RFX8: variants seen among roughly 807,000 people sequenced by gnomAD.
The protein encoded by RFX8 is regulatory factor X8.
Under a neutral mutation model 54.6 loss-of-function variants are expected in RFX8, and 46 were observed. The ratio of observed to expected loss-of-function variants is 0.84; its 90% CI spans 0.67 to 1.08. RFX8 has a LOEUF of 1.08. Ranked by LOEUF, RFX8 falls within the 50% of genes least tolerant of loss-of-function variation. The pLI, the probability that RFX8 is intolerant of heterozygous loss-of-function variation, is 0.00. For synonymous variants in RFX8, 192 were observed against 209.5 expected (o/e 0.92, Z 0.72); for missense variants, 536 against 562.3 (o/e 0.95, Z 0.47).
chr2:101,423,402 T>C (rs2104588798), intron 2 of RFX8, among the ~76,000 whole-genome samples: 1 of 152,248 alleles, frequency 6.6e-6, no homozygotes, highest in South Asian at 2.1e-4. Context: ...GCATGAGGGC[T>C]CCTCCTGGTC....
chr2:101,469,018 G>GTATATATATATACGTATATATATGTT (rs1689752502), intron 1 of RFX8, among the ~76,000 whole-genome samples: 1 of 21,444 alleles, frequency 4.7e-5, no homozygotes, highest in African/African-American at 1.0e-4. Context: ...ATATATATAG[G>GTATATATATATACGTATATATATGTT]TATATATATA....
intron 2 of RFX8, among the ~76,000 whole-genome samples, chr2:101,458,791 T>C (rs1234627630): frequency 6.6e-6 from 1 of 152,238 alleles, no homozygotes. Flanking sequence ...CTGGATAATA[T>C]CCTGAAGAGT....
chr2:101,452,478 C>T (rs1688737984), intron 2 of RFX8: 1 of 1,190,554 alleles, frequency 8.4e-7, no homozygotes. Flanking sequence ...AAAGTTGCAA[C>T]TTGAAAACTT....
intron 7 of RFX8, among the ~76,000 whole-genome samples, chr2:101,413,922 A>T (rs1432531234): frequency 6.6e-6 from 1 of 152,136 alleles, no homozygotes; most frequent in Middle Eastern, 3.2e-3. Context: ...TGGAAGCCAC[A>T]GTTGGGATCC....
chr2:101,410,946 C>G (rs914644285), intron 8 of RFX8, among the ~76,000 whole-genome samples: 2 of 152,232 alleles, frequency 1.3e-5, no homozygotes, highest in African/African-American at 4.8e-5. Flanking sequence ...ACCTCTGCCA[C>G]TTGTTGAAAC....
At chr2:101,411,952 C>T (rs1686156694) in intron 8 of RFX8, among the ~76,000 whole-genome samples, 1 of 152,198 alleles carries the variant, frequency 6.6e-6, no homozygotes, top group Non-Finnish European at 1.5e-5. Context: ...TCACGAAACA[C>T]TGAAGTGCTC....
intron 2 of RFX8, among the ~76,000 whole-genome samples, chr2:101,438,671 G>A (rs1370864707): frequency 2.6e-5 from 4 of 152,236 alleles, no homozygotes. Flanking sequence ...GTATTTCAGA[G>A]TGGCTAGACC....
rs2104521509 is a variant in RFX8, at chr2:101,404,553, C to G, written c.928+1390G>C. On this transcript the variant is annotated intron_variant, in intron 10 of 11. Transcript: ENST00000428343. ...TCAAGCAATCCTCCCACCTCAGCCT[C>G]CCAAGTAGCTGGAACTACTGGGCCA... 2.0e-5 allele frequency among the ~76,000 whole-genome samples: 3 copies of G among 152,214 alleles called. 1 individual carries two copies. The Middle Eastern group carries it at 0.01, about 518-fold the overall frequency.
In RFX8 at chr2:101,428,525, G is replaced by A. The variant is rs111821393; in HGVS notation, c.73-6053C>T. On this transcript the variant is annotated intron_variant, in intron 2 of 11. Transcript: ENST00000428343. ...TCCTGTCAATGGTAATTTGCAGCTC[G>A]CACTAAGACAGTATCCAAGTACTAT... is the stretch of plus-strand genomic sequence containing the variant. Among the ~76,000 whole-genome samples the A allele has an allele frequency of 3.5e-4, 54 of 152,266 alleles. 1 individual carries two copies. Among genetic ancestry groups the A allele is most frequent in the African/African-American group, 9.9e-4 (41 of 41,548 alleles).
chr2:101,452,486 C>T (rs1266645613), intron 2 of RFX8: 8 of 1,087,776 alleles, frequency 7.4e-6, no homozygotes, highest in Admixed American at 4.0e-5. Flanking sequence ...AACTTGAAAA[C>T]TTAGAAACAA....
intron 2 of RFX8, among the ~76,000 whole-genome samples, chr2:101,463,492 A>T (rs1271813844): frequency 1.3e-5 from 2 of 151,876 alleles, no homozygotes; most frequent in Admixed American, 6.6e-5. Flanking sequence ...AATGGCTGCG[A>T]CCTCTCCATG....
chr2:101,471,696 CA>C (rs1690006678), intron 1 of RFX8, among the ~76,000 whole-genome samples: 1 of 152,218 alleles, frequency 6.6e-6, no homozygotes, highest in South Asian at 2.1e-4. Flanking sequence ...CCCGTTTCTG[CA>C]GTCTTTCCTG....
Position 101,416,030 on chromosome 2 carries a change from T to A in RFX8, c.503-1118A>T, listed in dbSNP as rs1173824056. On this transcript the variant is annotated intron_variant, in intron 6 of 11. Transcript: ENST00000428343. The stretch of plus-strand genomic sequence containing the variant: ...GAAGAGCACTGTTGGGTCATGGGAG[T>A]CCCTTGGGAGATGGAGACAGGGATG... 4.6e-5 allele frequency among the ~76,000 whole-genome samples: 7 copies of A among 151,800 alleles called. No homozygotes were observed. The South Asian group carries it at 6.3e-4, about 14-fold the overall frequency.
At chr2:101,467,237 C>T (rs1049324880) in intron 1 of RFX8, among the ~76,000 whole-genome samples, 6 of 152,172 alleles carry the variant, frequency 3.9e-5, no homozygotes, top group Non-Finnish European at 7.3e-5. Context: ...AAGGTTACAG[C>T]CAAGAGCTAC....
At chr2:101,412,042 C>T (rs560999855) in intron 8 of RFX8, among the ~76,000 whole-genome samples, 3 of 152,074 alleles carry the variant, frequency 2.0e-5, no homozygotes, top group East Asian at 1.9e-4. Context: ...AGGAACTGAG[C>T]GGGCAGCTGT....
chr2:101,433,688 A>C (rs1305214776), intron 2 of RFX8, among the ~76,000 whole-genome samples: 4 of 152,186 alleles, frequency 2.6e-5, no homozygotes, highest in Non-Finnish European at 4.4e-5. Context: ...CTCGCAAATC[A>C]CTCTAACCAG....
chr2:101,469,077 TAAGTGTATATATATAA>T (rs1322301006), intron 1 of RFX8, among the ~76,000 whole-genome samples: 962 of 12,840 alleles, frequency 0.075, 80 homozygotes, highest in African/African-American at 0.28. Context: ...TATATATATA[TAAGTGTATATATATAA>T]GTATATATAT....
chr2:101,466,795 G>C lies in RFX8; in HGVS notation c.54C>G (p.Asn18Lys). The change falls in exon 2 of 12, where the codon AAC (asparagine) becomes AAG (lysine). Residue 18 changes from asparagine (N) to lysine (K), a missense_variant. Physicochemically the swap from Asn to Lys is moderately conservative, Grantham distance 94. Transcript: ENST00000428343. ...AACTTACCTTCCCAAAGGTGGCCGG[G>C]TTGACTTGGTTCTCAGTGTTTTGCC... ...TCGQNTENQV[N>K]PATFGKCEDH... 6.4e-7 allele frequency: 1 copy of C among 1,551,450 alleles called. No homozygotes were observed. Among genetic ancestry groups the C allele is most frequent in the African/African-American group, 1.4e-5 (1 of 73,172 alleles).
At chr2:101,399,504 T>G (rs1685309272) in intron 11 of RFX8, among the ~76,000 whole-genome samples, 1 of 152,218 alleles carries the variant, frequency 6.6e-6, no homozygotes, top group Non-Finnish European at 1.5e-5. Flanking sequence ...TTCTCTATTG[T>G]TTCCAACCAT....
Sources: allele counts gnomAD v4.1 joint callset (sites outside exome capture counted in the v4.1 genomes callset), GRCh38; gene constraint gnomAD v4.1.1; transcripts MANE v1.5; gene names NCBI Gene and HGNC (gene_info 2026-07-23, HGNC 2026-07-21).